NMUR2: variants seen among roughly 807,000 people sequenced by gnomAD.
NMUR2 encodes neuromedin U receptor 2.
In NMUR2, 24 loss-of-function variants were observed where a neutral mutation model predicts 25.1. The ratio of observed to expected loss-of-function variants is 0.96; its 90% confidence interval spans 0.69 to 1.34. The LOEUF is 1.34. NMUR2 is among the 40% of genes most tolerant of loss of function. The pLI is 0.00. For synonymous variants in NMUR2, 218 were observed against 208.1 expected (o/e 1.05, Z -0.41); for missense variants, 533 against 512.8 (o/e 1.04, Z -0.38).
intron 1 of NMUR2, among the ~76,000 whole-genome samples, chr5:152,402,023 G>A (rs1753265307): frequency 6.6e-6 from 1 of 152,172 alleles, no homozygotes; most frequent in African/African-American, 2.4e-5. Flanking sequence ...AATGAAGGAA[G>A]TAATTTGGCC....
rs1561699960 is a variant in NMUR2 at position 152,404,917 on chromosome 5, A to G, written c.197T>C (p.Val66Ala). 6.2e-7 allele frequency: 1 copy of G among 1,614,064 alleles called. No homozygotes were observed. The highest frequency in any genetic ancestry group is 2.2e-5 in the East Asian group (1 of 44,840). ...FVVGVIGNVL[V>A]CLVILQHQAM... Reference sequence around the variant, plus strand: ...CTGGTGCTGCAGAATCACCAGGCACACCAGGACATTGCCAATGACCCCCAC... The same window carrying G: ...CTGGTGCTGCAGAATCACCAGGCACGCCAGGACATTGCCAATGACCCCCAC... The change falls in exon 1 of 4, where the codon GTG (valine) becomes GCG (alanine). Residue 66 changes from valine (V) to alanine (A), a missense_variant. Val to Ala is a moderately conservative substitution (Grantham distance 64, BLOSUM62 0). Transcript: ENST00000255262.
chr5:152,395,062 A>C (rs1230305389), intron 3 of NMUR2, among the ~76,000 whole-genome samples: 1 of 152,134 alleles, frequency 6.6e-6, no homozygotes, highest in African/African-American at 2.4e-5. Flanking sequence ...ATTACCTATG[A>C]ATACCATTTA....
chr5:152,404,839 A>G lies in NMUR2; in HGVS notation c.275T>C (p.Leu92Pro). 1 of 1,614,104 alleles carries G rather than the reference A, an allele frequency of 6.2e-7. No homozygotes were observed. Among genetic ancestry groups the G allele is most frequent in the Admixed American group, 1.7e-5 (1 of 60,010 alleles). Residue 92 changes from leucine (L) to proline (P), a missense_variant, in exon 1 of 4, where the codon CTC becomes CCC. Physicochemically the swap from Leu to Pro is moderately conservative, Grantham distance 98 (BLOSUM62 -3). Coordinates refer to ENST00000255262, the MANE Select transcript of NMUR2 (RefSeq NM_020167.5). ...GGGCATTCCAAGGAGCAGGACCAGG[A>G]GGTCAGAGACCGCCAGGCTGAAGAG... ...YYLFSLAVSD[L>P]LVLLLGMPLE...
intron 1 of NMUR2, among the ~76,000 whole-genome samples, chr5:152,400,837 A>C (rs181327365): frequency 6.6e-5 from 10 of 152,314 alleles, no homozygotes; most frequent in Admixed American, 1.3e-4. Context: ...CTCCACCCCA[A>C]GGAACAATTT....
chr5:152,402,099 T>C (rs763992875), intron 1 of NMUR2, among the ~76,000 whole-genome samples: 10 of 152,174 alleles, frequency 6.6e-5, no homozygotes, highest in Non-Finnish European at 1.2e-4. Context: ...TCCATAAGTA[T>C]GGAAATATAA....
chr5:152,395,641 C>T, intron 2 of NMUR2, 57 bp from the exon 3 acceptor site: 1 of 1,585,578 alleles, frequency 6.3e-7, no homozygotes, highest in Non-Finnish European at 8.6e-7. Context: ...GATAGGTATA[C>T]AATGCTCACT....
At chr5:152,396,707 CT>C (rs1753156678) in intron 2 of NMUR2, among the ~76,000 whole-genome samples, 1 of 152,008 alleles carries the variant, frequency 6.6e-6, no homozygotes, top group Admixed American at 6.6e-5. Context: ...CAAGAACAGC[CT>C]GGACAAAAGC....
rs777815977 is a variant in NMUR2 at position 152,404,606 on chromosome 5, C to T, written c.508G>A (p.Val170Ile). ...RRRALRILGI[V>I]WGFSVLFSLP... ...GAGAAGAGCACGGAGAAGCCCCAGA[C>T]GATGCCGAGGATCCTGAGGGCCCGG... Residue 170 changes from valine (V) to isoleucine (I), a missense_variant, in exon 1 of 4, where the codon GTC (valine) becomes ATC (isoleucine). Transcript: ENST00000255262. 9.9e-6 allele frequency: 16 copies of T among 1,614,112 alleles called. No individual in the cohort carries two copies. Among genetic ancestry groups the T allele is most frequent in the Non-Finnish European group, 1.3e-5 (15 of 1,180,026 alleles).
At chr5:152,392,597 T>C in intron 3 of NMUR2, 96 bp from the exon 4 acceptor site, 1 of 893,218 alleles carries the variant, frequency 1.1e-6, no homozygotes. Context: ...CTAGAATCCC[T>C]GTGATTGCCT....
At chr5:152,396,211 CACACACACACACACT>C (rs1372107474) in intron 2 of NMUR2, among the ~76,000 whole-genome samples, 1 of 145,870 alleles carries the variant, frequency 6.9e-6, no homozygotes, top group African/African-American at 2.4e-5. Flanking sequence ...CACACACACA[CACACACACACACACT>C]TTTTTTTTTT....
At chr5:152,392,621 T>G (rs1580885387) in intron 3 of NMUR2, 120 bp from the exon 4 acceptor site, 1 of 724,654 alleles carries the variant, frequency 1.4e-6, no homozygotes, top group African/African-American at 1.8e-5. Context: ...TTATAAGTGA[T>G]AATACATACA....
At chr5:152,396,999 G>A (rs1473807032) in intron 2 of NMUR2, among the ~76,000 whole-genome samples, 1 of 128,184 alleles carries the variant, frequency 7.8e-6, no homozygotes, top group Non-Finnish European at 1.8e-5. Flanking sequence ...ACTTTAATAT[G>A]AGTGAGCTTC....
At chr5:152,401,593 T>G (rs530735773) in intron 1 of NMUR2, among the ~76,000 whole-genome samples, 1 of 152,342 alleles carries the variant, frequency 6.6e-6, no homozygotes, top group South Asian at 2.1e-4. Context: ...CTGCTGCAAT[T>G]CATACATCCA....
At chr5:152,400,883 A>C (rs1753240122) in intron 1 of NMUR2, among the ~76,000 whole-genome samples, 1 of 152,204 alleles carries the variant, frequency 6.6e-6, no homozygotes, top group Non-Finnish European at 1.5e-5. Context: ...TAGTTCACGC[A>C]ATTCTTTTAT....
chr5:152,402,984 C>T (rs934435740), intron 1 of NMUR2, among the ~76,000 whole-genome samples: 1 of 152,178 alleles, frequency 6.6e-6, no homozygotes, highest in Non-Finnish European at 1.5e-5. Context: ...ATTGGGCACT[C>T]GCTTCTGACA....
Position 152,405,175 on chromosome 5 carries a change from A to G in NMUR2, c.-62T>C. 10 of 1,475,988 alleles carry G rather than the reference A, an allele frequency of 6.8e-6. No homozygotes were observed. The highest frequency in any genetic ancestry group is 8.1e-6 in the Non-Finnish European group (9 of 1,111,494). The allele number at this position is 1,475,988 out of a possible 1,614,324, so 91.4% of individuals were successfully genotyped here. ...TCTGTTTCAAGCTGAGCCAGGAAAA[A>G]AAAAAAAAAAAGAAAAAAGGAAAAC... On this transcript the variant is annotated 5_prime_UTR_variant, in exon 1 of 4. Transcript: ENST00000255262.
chr5:152,402,733 A>G (rs535202445), intron 1 of NMUR2, among the ~76,000 whole-genome samples: 4 of 152,292 alleles, frequency 2.6e-5, no homozygotes, highest in Admixed American at 2.0e-4. Context: ...TTGGAGTTGT[A>G]TAGAAGTCTT....
At chr5:152,399,826 G>A (rs1168117032) in intron 1 of NMUR2, among the ~76,000 whole-genome samples, 1 of 152,060 alleles carries the variant, frequency 6.6e-6, no homozygotes, top group Non-Finnish European at 1.5e-5. Flanking sequence ...GCCATCAGGT[G>A]GAACGAAAAT....
At chr5:152,396,458 A>T (rs17448511) in intron 2 of NMUR2, among the ~76,000 whole-genome samples, 1 of 152,020 alleles carries the variant, frequency 6.6e-6, no homozygotes, top group African/African-American at 2.4e-5. Flanking sequence ...AGTATTATAC[A>T]TGCATTTCCT....
Sources: allele counts gnomAD v4.1 joint callset (sites outside exome capture counted in the v4.1 genomes callset), GRCh38; gene constraint gnomAD v4.1.1; transcripts MANE v1.5; gene names NCBI Gene and HGNC (gene_info 2026-07-23, HGNC 2026-07-21).